NFIA: variants seen among roughly 807,000 people sequenced by gnomAD.
The protein encoded by NFIA is nuclear factor I A.
Under a neutral mutation model 62.8 loss-of-function variants are expected in NFIA, and 8 were observed. That is an observed-to-expected ratio of 0.13 (90% CI 0.07 to 0.23). The LOEUF is 0.23. Among genes scored for constraint, NFIA ranks in the 10% least tolerant of loss-of-function variants. NFIA has a pLI of 1.00. For synonymous variants in NFIA, 235 were observed against 238.1 expected, an observed-to-expected ratio of 0.99 and a Z score of 0.12; for missense variants, 410 against 642.1, an observed-to-expected ratio of 0.64 and a Z score of 3.91.
intron 2 of NFIA, among the ~76,000 whole-genome samples, chr1:61,225,339 C>T (rs1341292873): frequency 1.3e-5 from 2 of 151,874 alleles, no homozygotes; most frequent in Admixed American, 1.3e-4. Flanking sequence ...CAACCTCTGC[C>T]TCCCGGGTTC....
intron 9 of NFIA, among the ~76,000 whole-genome samples, chr1:61,425,267 A>G (rs1666814546): frequency 6.6e-6 from 1 of 152,192 alleles, no homozygotes; most frequent in Non-Finnish European, 1.5e-5. Context: ...AACAAGAAGT[A>G]TGAGCAATTT....
intron 10 of NFIA, among the ~76,000 whole-genome samples, chr1:61,440,430 G>A (rs1268630089): frequency 6.6e-6 from 1 of 152,206 alleles, no homozygotes; most frequent in Admixed American, 6.5e-5. Flanking sequence ...TTGAGAACAA[G>A]TTGAGATGCA....
chr1:61,177,085 G>A (rs188746369), intron 2 of NFIA, among the ~76,000 whole-genome samples: 1 of 150,938 alleles, frequency 6.6e-6, no homozygotes, highest in African/African-American at 2.4e-5. Flanking sequence ...CAGCCTGGGC[G>A]ACAGAGCGAG....
intron 10 of NFIA, among the ~76,000 whole-genome samples, chr1:61,431,710 G>C (rs756363893): frequency 3.3e-5 from 5 of 152,232 alleles, no homozygotes; most frequent in Non-Finnish European, 7.3e-5. Flanking sequence ...GGCTGATCTG[G>C]AGAGGTCCCT....
At chr1:61,335,066 G>C (rs1661528380) in intron 4 of NFIA, among the ~76,000 whole-genome samples, 1 of 152,152 alleles carries the variant, frequency 6.6e-6, no homozygotes, top group Non-Finnish European at 1.5e-5. Context: ...TGCTTAGGGG[G>C]TTGCTTAGCC....
chr1:61,251,050 C>T (rs1656000463), intron 2 of NFIA: 1 of 152,156 alleles, frequency 6.6e-6, no homozygotes, highest in South Asian at 2.1e-4. Flanking sequence ...TGTGCTTGTT[C>T]TTTGTTTAAA....
intron 2 of NFIA, among the ~76,000 whole-genome samples, chr1:61,208,050 G>T (rs892310737): frequency 1.9e-4 from 28 of 146,306 alleles, no homozygotes; most frequent in African/African-American, 7.2e-4. Context: ...AATGCGTGAA[G>T]CACTTTTTAA....
At position 61,346,658 on chromosome 1, in the gene NFIA, T is replaced by G. The variant is rs531096472; in HGVS notation, c.701-5792T>G. The stretch of plus-strand genomic sequence containing the variant: ...CAGAGTCTTGGCCTCCATTCCCTTC[T>G]GCTGGGACACTTGCATCAATCTTCT... On this transcript the variant is annotated intron_variant, in intron 4 of 10. Transcript: ENST00000403491. 1.1e-4 allele frequency among the ~76,000 whole-genome samples: 16 copies of G among 152,286 alleles called. No homozygotes were observed. The East Asian group carries it at 3.1e-3, about 29-fold the overall frequency.
At chr1:61,163,634 A>G (rs1426420493) in intron 2 of NFIA, among the ~76,000 whole-genome samples, 1 of 152,140 alleles carries the variant, frequency 6.6e-6, no homozygotes, top group Non-Finnish European at 1.5e-5. Context: ...TGCCTGTTGA[A>G]AAAGTTAGTA....
chr1:61,082,071 G>A (rs1166276739), upstream of NFIA: 4 of 1,539,762 alleles, frequency 2.6e-6, no homozygotes, highest in Admixed American at 2.0e-5. Flanking sequence ...TGCAGCGGGG[G>A]TGGGGGGATG....
chr1:61,287,664 CA>C (rs377652310), intron 3 of NFIA, among the ~76,000 whole-genome samples: 36 of 151,984 alleles, frequency 2.4e-4, no homozygotes, highest in African/African-American at 4.8e-4. Context: ...CAACCCCCCC[CA>C]AAAAAAACAA....
rs77900620 is a variant in NFIA, at chr1:61,226,289, G to A, written c.560-51231G>A. ...TAGCACTTAAAGACTGTGTTTTAACGAGTCTCCAGATATGTATTTACATGA... is the reference window on the plus strand; with the variant it reads ...TAGCACTTAAAGACTGTGTTTTAACAAGTCTCCAGATATGTATTTACATGA... On this transcript the variant is annotated intron_variant, in intron 2 of 10. Transcript: ENST00000403491. 3.6e-3 allele frequency among the ~76,000 whole-genome samples: 547 copies of A among 152,294 alleles called. 3 individuals are homozygous for A. The highest frequency in any genetic ancestry group is 0.014 in the Middle Eastern group (4 of 294).
intron 2 of NFIA, among the ~76,000 whole-genome samples, chr1:61,248,770 C>G (rs1477692359): frequency 6.6e-6 from 1 of 152,186 alleles, no homozygotes; most frequent in African/African-American, 2.4e-5. Flanking sequence ...AACTAAATAA[C>G]TAAAAAATTG....
At chr1:61,159,478 G>A (rs1164337339) in intron 2 of NFIA, among the ~76,000 whole-genome samples, 2 of 152,058 alleles carry the variant, frequency 1.3e-5, no homozygotes, top group Non-Finnish European at 2.9e-5. Context: ...TGACAAGCTC[G>A]CTGAGACATC....
intron 7 of NFIA, among the ~76,000 whole-genome samples, chr1:61,402,667 T>G (rs927672864): frequency 6.6e-6 from 1 of 152,230 alleles, no homozygotes; most frequent in African/African-American, 2.4e-5. Context: ...TTCATCTGTT[T>G]TGGCTCAGAT....
At position 61,266,962 on chromosome 1, in the gene NFIA, A is replaced by G. The variant is rs1431113115; in HGVS notation, c.560-10558A>G. On this transcript the variant is annotated intron_variant, in intron 2 of 10. Transcript: ENST00000403491. ...TACTCTCTAGAGTCAGGTATTTGGAATGAGTCAGTTGAGGTTCAGGGAGGT... is the reference window on the plus strand; with the variant it reads ...TACTCTCTAGAGTCAGGTATTTGGAGTGAGTCAGTTGAGGTTCAGGGAGGT... Among the ~76,000 whole-genome samples, 3 of 152,304 alleles carry G rather than the reference A, an allele frequency of 2.0e-5. No individual in the cohort carries two copies. The East Asian group carries it at 5.8e-4, about 29-fold the overall frequency.
intron 2 of NFIA, among the ~76,000 whole-genome samples, chr1:61,167,346 T>C (rs144706577): frequency 3.9e-5 from 6 of 152,312 alleles, no homozygotes; most frequent in African/African-American, 1.4e-4. Flanking sequence ...ATAAGGTTAC[T>C]TTTCTCTAAA....
intron 10 of NFIA, among the ~76,000 whole-genome samples, chr1:61,451,591 A>G (rs1191754748): frequency 6.6e-6 from 1 of 152,188 alleles, no homozygotes; most frequent in Non-Finnish European, 1.5e-5. Flanking sequence ...AACTCTAGAC[A>G]TTGTGAATGT....
chr1:61,286,861 C>T (rs1163219414), intron 3 of NFIA, among the ~76,000 whole-genome samples: 1 of 152,118 alleles, frequency 6.6e-6, no homozygotes, highest in Non-Finnish European at 1.5e-5. Flanking sequence ...CTAATGAAGT[C>T]AAAGAAGTGA....
Sources: allele counts gnomAD v4.1 joint callset (sites outside exome capture counted in the v4.1 genomes callset), GRCh38; gene constraint gnomAD v4.1.1; transcripts MANE v1.5; gene names NCBI Gene and HGNC (gene_info 2026-07-23, HGNC 2026-07-21).